Variants in ACSM5 observed in about 807,000 individuals in gnomAD.
ACSM5 encodes acyl-coenzyme A synthetase ACSM5, mitochondrial.
In ACSM5, 56 loss-of-function variants were observed where a neutral mutation model predicts 71.6. The observed-to-expected ratio is 0.78, with a 90% CI of 0.63 to 0.98. The LOEUF is 0.98. Among genes scored for constraint, ACSM5 ranks in the 50% least tolerant of loss-of-function variants. The pLI is 0.00. For missense variants in ACSM5, 723 were observed against 726.0 expected, an observed-to-expected ratio of 1.00 and a Z score of 0.05; for synonymous variants, 285 against 281.5, an observed-to-expected ratio of 1.01 and a Z score of -0.12.
intron 6 of ACSM5, among the ~76,000 whole-genome samples, chr16:20,427,471 A>G (rs1358723990): frequency 6.6e-6 from 1 of 152,244 alleles, no homozygotes; most frequent in East Asian, 1.9e-4. Context: ...AAGGGATCCA[A>G]GAAAGGCAGA....
chr16:20,423,959 A>G lies in ACSM5; in HGVS notation c.811A>G (p.Thr271Ala). Reference sequence around the variant, plus strand: ...CGAATCTGACATCTTCTGGAACACGACTGACACTGGCTGGGTGAAGGCAGC... The same window carrying G: ...CGAATCTGACATCTTCTGGAACACGGCTGACACTGGCTGGGTGAAGGCAGC... The part of the protein sequence containing the change: ...LTESDIFWNT[T>A]DTGWVKAAWT... Residue 271 changes from threonine (T) to alanine (A), a missense_variant, in exon 6 of 14, where the codon ACT becomes GCT. By Grantham distance (58) the Thr-to-Ala change is moderately conservative. Transcript: ENST00000331849. The G allele has an allele frequency of 6.2e-7, 1 of 1,614,160 alleles. No homozygotes were observed.
chr16:20,440,500 A>G lies in ACSM5; in HGVS notation c.*73A>G, dbSNP rs1967305728. 1.4e-5 allele frequency: 19 copies of G among 1,352,344 alleles called. No individual in the cohort carries two copies. The Admixed American group carries it at 2.7e-4, about 19-fold the overall frequency. 83.8% of individuals were successfully genotyped at this position (1,352,344 alleles called of 1,614,324 possible). On this transcript the variant is annotated 3_prime_UTR_variant, in exon 14 of 14. Transcript: ENST00000331849. Reference sequence around the variant, plus strand: ...ACTAATGGATCACTGGTCAGTCCCCATGGGGAGCATCATCTCTTCGACCCT... The same window carrying G: ...ACTAATGGATCACTGGTCAGTCCCCGTGGGGAGCATCATCTCTTCGACCCT...
rs766501230 is a variant in ACSM5, at chr16:20,421,392, C to A, written c.758C>A (p.Ala253Asp). The A allele has an allele frequency of 5.6e-6, 9 of 1,593,980 alleles. No individual in the cohort carries two copies. The highest frequency in any genetic ancestry group is 2.0e-4 in the Middle Eastern group (1 of 5,106). The change falls in exon 5 of 14, where the codon GCC (alanine) becomes GAC (aspartate). Residue 253 changes from alanine to aspartate, a missense_variant. Transcript: ENST00000331849. ...SQSSYGLGFV[A>D]SGRRWVALTE... ...AGCAGCTACGGACTGGGTTTTGTGGCCAGCGGAAGGTACCAGAGCAGCTTG... is the reference window on the plus strand; with the variant it reads ...AGCAGCTACGGACTGGGTTTTGTGGACAGCGGAAGGTACCAGAGCAGCTTG...
rs1967310255 is a variant in ACSM5, at chr16:20,440,658, C to T, written c.*231C>T. On this transcript the variant is annotated 3_prime_UTR_variant, in exon 14 of 14. Coordinates refer to ENST00000331849, the MANE Select transcript of ACSM5 (RefSeq NM_017888.3). The stretch of plus-strand genomic sequence containing the variant: ...GCCTAGCAAATGCTTGGTGGTTCGA[C>T]TTCTCCCTCTGTCTGGGGGCAGGCT... 2.1e-6 allele frequency: 1 copy of T among 469,792 alleles called. No homozygotes were observed. Among genetic ancestry groups the T allele is most frequent in the East Asian group, 3.7e-5 (1 of 26,866 alleles). 29.1% of individuals were successfully genotyped at this position (469,792 alleles called of 1,614,324 possible).
At chr16:20,421,615 CTATATATATATATATATATA>C (rs59443556) in intron 5 of ACSM5, among the ~76,000 whole-genome samples, 12 of 105,832 alleles carry the variant, frequency 1.1e-4, no homozygotes, top group Non-Finnish European at 1.5e-4. Context: ...TAAATCGTGG[CTATATATATATATATATATA>C]TATATATATA....
rs56853520 is a variant in ACSM5 at position 20,432,847 on chromosome 16, C to CTTTTTTTTTTTTTTTTTTTTTTT, written c.1308+1530_1308+1552dup. Among the ~76,000 whole-genome samples, 6 of 57,610 alleles carry CTTTTTTTTTTTTTTTTTTTTTTT rather than the reference C, an allele frequency of 1.0e-4. 2 individuals carry two copies. The highest frequency in any genetic ancestry group is 2.2e-4 in the African/African-American group (3 of 13,830). The allele number at this position is 57,610 out of a possible 152,430, so 37.8% of individuals were successfully genotyped here. On this transcript the variant is annotated intron_variant, in intron 10 of 13. Transcript: ENST00000331849. ...CAGTTAGTTTTCTTTCCAGATCATT[C>CTTTTTTTTTTTTTTTTTTTTTTT]TTTTTTTTTTTTTTTTTTTTTTTTT...
Position 20,413,834 on chromosome 16 carries a change from C to T in ACSM5, c.204+2146C>T, listed in dbSNP as rs142517462. 6.3e-3 allele frequency among the ~76,000 whole-genome samples: 952 copies of T among 152,226 alleles called. 7 individuals are homozygous for T. The highest frequency in any genetic ancestry group is 0.022 in the African/African-American group (912 of 41,540). Reference sequence around the variant, plus strand: ...TGCCTGGCTGAGTGCTAAAGGTGTGCCCCAACACCCACCCAAAGACTGGGA... The same window carrying T: ...TGCCTGGCTGAGTGCTAAAGGTGTGTCCCAACACCCACCCAAAGACTGGGA... On this transcript the variant is annotated intron_variant, in intron 2 of 13. Coordinates refer to ENST00000331849, the MANE Select transcript of ACSM5 (RefSeq NM_017888.3).
Position 20,440,656 on chromosome 16 carries a change from G to T in ACSM5, c.*229G>T, listed in dbSNP as rs1271484791. On this transcript the variant is annotated 3_prime_UTR_variant, in exon 14 of 14. Transcript: ENST00000331849. ...CCGCCTAGCAAATGCTTGGTGGTTC[G>T]ACTTCTCCCTCTGTCTGGGGGCAGG... The T allele has an allele frequency of 2.1e-6, 1 of 474,274 alleles. No homozygotes were observed. Among genetic ancestry groups the T allele is most frequent in the Admixed American group, 3.3e-5 (1 of 30,056 alleles). The allele number at this position is 474,274 out of a possible 1,614,324, so 29.4% of individuals were successfully genotyped here. A position where few individuals can be genotyped will look rare whatever the true frequency, so the allele number is the denominator to read the frequency against.
chr16:20,438,835 A>G (rs527609045), intron 12 of ACSM5, among the ~76,000 whole-genome samples: 7 of 150,662 alleles, frequency 4.6e-5, no homozygotes, highest in South Asian at 2.1e-4. Context: ...GGCGCCTATA[A>G]TCCCAGCTAC....
At position 20,418,164 on chromosome 16, in the gene ACSM5, A is replaced by T; in HGVS notation, c.310A>T (p.Asn104Tyr). ...ELGKQSRKAA[N>Y]VLGGACGLQP... is the part of the protein sequence containing the mutation. ...GGGGAAGCAGTCCAGGAAGGCAGCCAATGTGCTGGGGGGTGCATGCGGCCT... is the reference window on the plus strand; with the variant it reads ...GGGGAAGCAGTCCAGGAAGGCAGCCTATGTGCTGGGGGGTGCATGCGGCCT... Residue 104 changes from asparagine (N) to tyrosine (Y), a missense_variant, in exon 3 of 14, where the codon AAT becomes TAT. Asn to Tyr is a moderately radical substitution (Grantham distance 143). Coordinates refer to ENST00000331849, the MANE Select transcript of ACSM5 (RefSeq NM_017888.3). 6.2e-7 allele frequency: 1 copy of T among 1,613,460 alleles called. No homozygotes were observed. Among genetic ancestry groups the T allele is most frequent in the Non-Finnish European group, 8.5e-7 (1 of 1,179,904 alleles).
At chr16:20,423,456 C>G (rs1370874899) in intron 5 of ACSM5, among the ~76,000 whole-genome samples, 12 of 152,344 alleles carry the variant, frequency 7.9e-5, no homozygotes, top group South Asian at 4.1e-4. Context: ...TCCATCATTG[C>G]TCTGGGTTAG....
chr16:20,427,640 A>T (rs1204582838), intron 6 of ACSM5, 148 bp from the exon 7 acceptor site: 2 of 688,894 alleles, frequency 2.9e-6, no homozygotes, highest in Non-Finnish European at 5.3e-6. Context: ...AGTAGGAGTC[A>T]CTGGACACCA....
At chr16:20,415,540 A>T (rs576770664) in intron 2 of ACSM5, among the ~76,000 whole-genome samples, 4 of 152,344 alleles carry the variant, frequency 2.6e-5, no homozygotes, top group Admixed American at 1.3e-4. Context: ...GCCATCTTGT[A>T]CTGGACAGAG....
Position 20,441,305 on chromosome 16 carries a change from A to G in ACSM5, c.*878A>G, listed in dbSNP as rs1470751771. 2 of 152,212 alleles carry G rather than the reference A, an allele frequency of 1.3e-5. No individual in the cohort carries two copies. The highest frequency in any genetic ancestry group is 6.5e-5 in the Admixed American group (1 of 15,286). The allele number at this position is 152,212 out of a possible 1,614,324, so 9.4% of individuals were successfully genotyped here. On this transcript the variant is annotated 3_prime_UTR_variant, in exon 14 of 14. Transcript: ENST00000331849. ...GTTTTTGTACGAAGCACATACAACT[A>G]TTTTAATGAAAAAGTTATGTTAAAG...
rs61417020 is a variant in ACSM5, at chr16:20,433,840, A to ATTTTTT, written c.1308+2531_1308+2536dup. 4.4e-3 allele frequency among the ~76,000 whole-genome samples: 602 copies of ATTTTTT among 137,166 alleles called. 7 individuals are homozygous for ATTTTTT. In the East Asian group the frequency reaches 0.048, roughly 11 times the overall value. 90.0% of individuals were successfully genotyped at this position (137,166 alleles called of 152,430 possible). A position where few individuals can be genotyped will look rare whatever the true frequency, so the allele number is the denominator to read the frequency against. ...AGGCACATGCCACCACACCTGGCTA[A>ATTTTTT]TTTTTTTTTTTTTTTTTGTAAAGAT... On this transcript the variant is annotated intron_variant, in intron 10 of 13. Transcript: ENST00000331849.
At chr16:20,417,091 T>C (rs530747223) in intron 2 of ACSM5, among the ~76,000 whole-genome samples, 3 of 149,728 alleles carry the variant, frequency 2.0e-5, no homozygotes, top group Non-Finnish European at 4.4e-5. Context: ...CCCTCAGACA[T>C]GGCTGGATGG....
intron 6 of ACSM5, among the ~76,000 whole-genome samples, chr16:20,427,088 G>A (rs1307236824): frequency 6.6e-6 from 1 of 151,830 alleles, no homozygotes; most frequent in Non-Finnish European, 1.5e-5. Context: ...GAATCATGAG[G>A]TCAGGAGTTA....
chr16:20,439,742 G>C lies in ACSM5; in HGVS notation c.1537-58G>C, dbSNP rs1449127278. The C allele has an allele frequency of 9.3e-6, 14 of 1,512,246 alleles. 1 individual carries two copies. In the Admixed American group the frequency reaches 2.4e-4, roughly 26 times the overall value. The allele number at this position is 1,512,246 out of a possible 1,614,324, so 93.7% of individuals were successfully genotyped here. On this transcript the variant is annotated intron_variant, in intron 12 of 13. Coordinates refer to ENST00000331849, the MANE Select transcript of ACSM5 (RefSeq NM_017888.3). ...AGGCACTTATTCAAGCCTCACTTAA[G>C]GAGAAAAGAGTTGTTATACGAGGCC... is the stretch of plus-strand genomic sequence containing the variant.
At chr16:20,423,576 A>G (rs976176534) in intron 5 of ACSM5, among the ~76,000 whole-genome samples, 1 of 152,218 alleles carries the variant, frequency 6.6e-6, no homozygotes, top group Non-Finnish European at 1.5e-5. Flanking sequence ...TCATTTCTAG[A>G]TCCCTAGTGC....
Sources: gnomAD v4.1 joint callset for allele counts (sites outside exome capture counted in the v4.1 genomes callset) on GRCh38, gnomAD v4.1.1 for gene constraint, MANE v1.5 for transcripts, NCBI Gene and HGNC (gene_info 2026-07-23, HGNC 2026-07-21) for gene names.